Variants in SCYL2 observed in about 807,000 individuals in gnomAD.
The protein encoded by SCYL2 is SCY1 like pseudokinase 2, also known as SCY1-like protein 2.
In SCYL2, 36 loss-of-function variants were observed where a neutral mutation model predicts 100.4. The ratio of observed to expected loss-of-function variants is 0.36; its 90% confidence interval spans 0.27 to 0.47. SCYL2 has a LOEUF of 0.47. SCYL2 is among the 20% of genes least tolerant of loss of function. The pLI is 1.00. For missense variants in SCYL2, 902 were observed against 1,083.9 expected, an observed-to-expected ratio of 0.83 and a Z score of 2.36; for synonymous variants, 330 against 359.2, an observed-to-expected ratio of 0.92 and a Z score of 0.92.
At chr12:100,315,046 C>G (rs1033294128) in intron 8 of SCYL2, among the ~76,000 whole-genome samples, 1 of 152,082 alleles carries the variant, frequency 6.6e-6, no homozygotes. Flanking sequence ...CTAATAATTC[C>G]TGGTTGTAAA....
Position 100,313,414 on chromosome 12 carries a change from T to C in SCYL2, c.853-8T>C, listed in dbSNP as rs781254991. 22 of 1,351,908 alleles carry C rather than the reference T, an allele frequency of 1.6e-5. No individual in the cohort carries two copies. Among genetic ancestry groups the C allele is most frequent in the Non-Finnish European group, 1.9e-5 (18 of 950,512 alleles). 83.7% of individuals were successfully genotyped at this position (1,351,908 alleles called of 1,614,324 possible). A position where few individuals can be genotyped will look rare whatever the true frequency, so the allele number is the denominator to read the frequency against. On this transcript the variant is annotated splice_region_variant and splice_polypyrimidine_tract_variant and intron_variant, in intron 6 of 17. Coordinates refer to ENST00000360820, the MANE Select transcript of SCYL2 (RefSeq NM_017988.6). ...ATACTCATTTAATGTTATCACTCTT[T>C]TGAATAGTTGAGTCGTTTAGGATCT...
At position 100,312,523 on chromosome 12, in the gene SCYL2, T is replaced by C; in HGVS notation, c.722T>C (p.Val241Ala). The C allele has an allele frequency of 6.2e-7, 1 of 1,613,764 alleles. No homozygotes were observed. Among genetic ancestry groups the C allele is most frequent in the Non-Finnish European group, 8.5e-7 (1 of 1,179,776 alleles). ...EYLAPEYILSVSCETASDMYS... is the reference protein window; with the variant it reads ...EYLAPEYILSASCETASDMYS... ...TTGGCTCCTGAATACATACTTTCTGTGAGCTGTGAAACAGCCAGTGATATG... is the reference window on the plus strand; with the variant it reads ...TTGGCTCCTGAATACATACTTTCTGCGAGCTGTGAAACAGCCAGTGATATG... Residue 241 changes from valine (V) to alanine (A), a missense_variant, in exon 6 of 18, where the codon GTG (valine) becomes GCG (alanine). Val to Ala is a moderately conservative substitution (Grantham distance 64). Transcript: ENST00000360820.
chr12:100,322,616 G>T (rs2096357368), intron 10 of SCYL2, among the ~76,000 whole-genome samples: 1 of 151,874 alleles, frequency 6.6e-6, no homozygotes, highest in Non-Finnish European at 1.5e-5. Context: ...AATTAGCTGG[G>T]CATGGGCCAA....
At chr12:100,312,757 CTCATTT>C in intron 6 of SCYL2, 104 bp downstream of exon 6, 2 of 742,802 alleles carry the variant, frequency 2.7e-6, no homozygotes, top group Non-Finnish European at 2.2e-6. Context: ...ACATGAGTAT[CTCATTT>C]TAAGTTTGCA....
intron 3 of SCYL2, among the ~76,000 whole-genome samples, chr12:100,296,243 G>T (rs1013676986): frequency 6.6e-6 from 1 of 152,126 alleles, no homozygotes; most frequent in African/African-American, 2.4e-5. Context: ...CTTTAGGGAA[G>T]AAAAAGATAA....
chr12:100,306,651 A>G (rs979347452), intron 4 of SCYL2, among the ~76,000 whole-genome samples: 2 of 152,216 alleles, frequency 1.3e-5, no homozygotes, highest in Non-Finnish European at 2.9e-5. Flanking sequence ...GGCCAGGGCA[A>G]TCAGGCAAGA....
At chr12:100,315,207 T>G (rs561998997) in intron 8 of SCYL2, among the ~76,000 whole-genome samples, 4 of 152,292 alleles carry the variant, frequency 2.6e-5, no homozygotes, top group South Asian at 2.1e-4. Flanking sequence ...GGTTAACGTG[T>G]GAAACAGTTA....
intron 3 of SCYL2, among the ~76,000 whole-genome samples, chr12:100,297,590 C>G (rs958274709): frequency 3.3e-5 from 5 of 152,176 alleles, no homozygotes; most frequent in African/African-American, 1.2e-4. Context: ...TACTCCTATT[C>G]CAGGGTCATC....
intron 12 of SCYL2, among the ~76,000 whole-genome samples, chr12:100,327,958 CG>C (rs111281458): frequency 4.7e-4 from 72 of 152,206 alleles, no homozygotes; most frequent in African/African-American, 1.6e-3. Flanking sequence ...CTAGGGATAT[CG>C]CATGAATCTT....
chr12:100,269,227 A>T (rs1181231974), intron 1 of SCYL2, among the ~76,000 whole-genome samples: 2 of 151,996 alleles, frequency 1.3e-5, no homozygotes, highest in Non-Finnish European at 2.9e-5. Flanking sequence ...GCTTTCTGAC[A>T]TTCCCTTTCT....
chr12:100,312,783 C>G, intron 6 of SCYL2, 130 bp downstream of exon 6: 1 of 613,658 alleles, frequency 1.6e-6, no homozygotes, highest in East Asian at 3.1e-5. Flanking sequence ...ATAAGATCAG[C>G]TTAATAATTT....
chr12:100,276,698 T>C (rs1267840546), intron 1 of SCYL2, among the ~76,000 whole-genome samples: 2 of 152,244 alleles, frequency 1.3e-5, no homozygotes. Context: ...TTCAAAACTT[T>C]TTTTTTACTT....
chr12:100,295,445 C>T (rs1003930139), intron 3 of SCYL2, among the ~76,000 whole-genome samples: 4 of 152,156 alleles, frequency 2.6e-5, no homozygotes, highest in Non-Finnish European at 5.9e-5. Context: ...TCTGCAATCC[C>T]GGCACCTCGG....
chr12:100,281,750 C>T (rs2096298662), intron 1 of SCYL2, among the ~76,000 whole-genome samples: 1 of 150,414 alleles, frequency 6.6e-6, no homozygotes. Context: ...AGGAGAATGG[C>T]GTGAACCCGG....
intron 1 of SCYL2, among the ~76,000 whole-genome samples, chr12:100,277,534 T>G (rs1200896660): frequency 1.3e-5 from 2 of 152,258 alleles, no homozygotes; most frequent in African/African-American, 4.8e-5. Flanking sequence ...AAGCTTATTC[T>G]GTTATTAATA....
intron 4 of SCYL2, among the ~76,000 whole-genome samples, chr12:100,307,820 G>C (rs1348949026): frequency 6.6e-6 from 1 of 152,186 alleles, no homozygotes; most frequent in Non-Finnish European, 1.5e-5. Context: ...CCATCAAAAA[G>C]TGGGCGAAGC....
intron 12 of SCYL2, among the ~76,000 whole-genome samples, chr12:100,328,123 C>G (rs560461367): frequency 1.3e-5 from 2 of 152,126 alleles, no homozygotes; most frequent in East Asian, 3.9e-4. Context: ...ACTAGAAATA[C>G]AATAATTAGC....
intron 2 of SCYL2, among the ~76,000 whole-genome samples, chr12:100,286,274 A>G (rs184554988): frequency 6.6e-6 from 1 of 152,276 alleles, no homozygotes; most frequent in East Asian, 1.9e-4. Context: ...GTATGTTTAT[A>G]TATGTAATTT....
Position 100,338,628 on chromosome 12 carries a change from T to C in SCYL2, c.2246T>C (p.Val749Ala). The stretch of plus-strand genomic sequence containing the variant: ...TCTGCTTCAAGTACTTTCACTTCTG[T>C]TCCTTCCATGGGCATTGGTATGATG... ...KSSASSTFTS[V>A]PSMGIGMMFS... Residue 749 changes from valine to alanine, a missense_variant, in exon 18 of 18, where the codon GTT becomes GCT. Physicochemically the swap from Val to Ala is moderately conservative, Grantham distance 64. Transcript: ENST00000360820. 1 of 1,614,074 alleles carries C rather than the reference T, an allele frequency of 6.2e-7. No homozygotes were observed. The highest frequency in any genetic ancestry group is 8.5e-7 in the Non-Finnish European group (1 of 1,179,952).
Sources: allele counts gnomAD v4.1 joint callset (sites outside exome capture counted in the v4.1 genomes callset), GRCh38; gene constraint gnomAD v4.1.1; transcripts MANE v1.5; gene names NCBI Gene and HGNC (gene_info 2026-07-23, HGNC 2026-07-21).